PARD3: variants seen among roughly 807,000 people sequenced by gnomAD.
The protein encoded by PARD3 is partitioning defective 3 homolog.
Under a neutral mutation model 155.4 loss-of-function variants are expected in PARD3, and 75 were observed. The ratio of observed to expected loss-of-function variants is 0.48; its 90% confidence interval spans 0.40 to 0.58. The LOEUF is 0.58. PARD3 is among the 20% of genes least tolerant of loss of function. PARD3 has a pLI of 0.00. For missense variants in PARD3, 1,642 were observed against 1,721.7 expected (o/e 0.95, Z 0.82); for synonymous variants, 576 against 610.5 (o/e 0.94, Z 0.83).
At chr10:34,408,283 T>C (rs1020240649) in intron 5 of PARD3, among the ~76,000 whole-genome samples, 1 of 152,096 alleles carries the variant, frequency 6.6e-6, no homozygotes, top group Non-Finnish European at 1.5e-5. Context: ...TTAAAAAAAA[T>C]TATTCATAAC....
chr10:34,758,204 T>C (rs1347933975), intron 1 of PARD3, among the ~76,000 whole-genome samples: 1 of 152,210 alleles, frequency 6.6e-6, no homozygotes, highest in African/African-American at 2.4e-5. Context: ...AAACATTAGC[T>C]GAGTAAAGAA....
At chr10:34,453,199 T>C (rs764588216) in intron 4 of PARD3, among the ~76,000 whole-genome samples, 12 of 152,196 alleles carry the variant, frequency 7.9e-5, no homozygotes, top group Non-Finnish European at 1.6e-4. Context: ...TTGAGACCTG[T>C]ACTTCCAACA....
chr10:34,528,091 T>C (rs2082600293), intron 2 of PARD3, among the ~76,000 whole-genome samples: 1 of 152,162 alleles, frequency 6.6e-6, no homozygotes, highest in African/African-American at 2.4e-5. Flanking sequence ...AGAATAAATA[T>C]TGTGTGCCCA....
At chr10:34,509,835 A>G (rs1475197256) in intron 3 of PARD3, among the ~76,000 whole-genome samples, 1 of 152,200 alleles carries the variant, frequency 6.6e-6, no homozygotes, top group East Asian at 1.9e-4. Context: ...GAATCTTACA[A>G]TTGATGTACA....
chr10:34,400,018 A>C (rs1298586658), intron 6 of PARD3, among the ~76,000 whole-genome samples: 1 of 152,228 alleles, frequency 6.6e-6, no homozygotes, highest in Admixed American at 6.5e-5. Flanking sequence ...TCACTACTTC[A>C]TGACAATTCA....
intron 1 of PARD3, among the ~76,000 whole-genome samples, chr10:34,764,340 C>T (rs1433578847): frequency 6.6e-6 from 1 of 152,156 alleles, no homozygotes; most frequent in Non-Finnish European, 1.5e-5. Flanking sequence ...GGCCCGCCTA[C>T]GTACTTTAGC....
At chr10:34,685,824 C>A (rs975959265) in intron 2 of PARD3, among the ~76,000 whole-genome samples, 3 of 152,128 alleles carry the variant, frequency 2.0e-5, no homozygotes, top group African/African-American at 7.2e-5. Context: ...GACCTCCTGA[C>A]CTCAAATGAT....
chr10:34,166,015 T>C (rs768778855), intron 22 of PARD3, among the ~76,000 whole-genome samples: 8 of 152,262 alleles, frequency 5.3e-5, no homozygotes, highest in Non-Finnish European at 1.0e-4. Flanking sequence ...GCTATCGCTA[T>C]TCTGTTTTTA....
intron 23 of PARD3, among the ~76,000 whole-genome samples, chr10:34,121,247 C>T (rs1023324844): frequency 2.6e-5 from 4 of 152,180 alleles, no homozygotes; most frequent in African/African-American, 9.7e-5. Context: ...CCTTCTAGAT[C>T]TGGCCTTTTG....
At chr10:34,167,763 G>A (rs1274484) in intron 22 of PARD3, among the ~76,000 whole-genome samples, 87,572 of 152,058 alleles carry the variant, frequency 0.58, 25,574 homozygotes, top group African/African-American at 0.66. Flanking sequence ...ACGCTTGAAC[G>A]TGTCTCTGCC....
intron 3 of PARD3, among the ~76,000 whole-genome samples, chr10:34,514,369 C>T (rs540785723): frequency 3.0e-4 from 46 of 152,284 alleles, no homozygotes; most frequent in African/African-American, 5.8e-4. Flanking sequence ...TGATAGCAAG[C>T]GCCAGGCCTT....
intron 2 of PARD3, among the ~76,000 whole-genome samples, chr10:34,576,661 G>A (rs917200550): frequency 2.0e-5 from 3 of 152,204 alleles, no homozygotes; most frequent in African/African-American, 7.2e-5. Context: ...TGAAGGAGAT[G>A]ACTGTGTGAA....
chr10:34,443,322 T>C (rs1489734314), intron 5 of PARD3, among the ~76,000 whole-genome samples: 4 of 152,216 alleles, frequency 2.6e-5, no homozygotes, highest in African/African-American at 9.6e-5. Flanking sequence ...AACAAAAAAT[T>C]AAACTCATAG....
intron 2 of PARD3, among the ~76,000 whole-genome samples, chr10:34,631,206 G>A (rs1276303667): frequency 1.3e-5 from 2 of 152,064 alleles, no homozygotes; most frequent in African/African-American, 2.4e-5. Context: ...ATTACCTTTC[G>A]GGGTGTACCC....
chr10:34,275,127 G>A (rs144462771), intron 21 of PARD3, among the ~76,000 whole-genome samples: 2 of 152,236 alleles, frequency 1.3e-5, no homozygotes, highest in African/African-American at 2.4e-5. Flanking sequence ...ACCAGTCACT[G>A]AGCCTAATAA....
chr10:34,636,779 C>T (rs1487465046), intron 2 of PARD3, among the ~76,000 whole-genome samples: 4 of 152,170 alleles, frequency 2.6e-5, no homozygotes, highest in African/African-American at 7.2e-5. Context: ...AGGAAAGACC[C>T]GATGCCGTGA....
At chr10:34,246,074 C>T (rs1188404862) in intron 22 of PARD3, among the ~76,000 whole-genome samples, 2 of 152,204 alleles carry the variant, frequency 1.3e-5, no homozygotes, top group South Asian at 4.1e-4. Context: ...TCCTATAAGT[C>T]AAATGTGGAC....
chr10:34,205,881 C>A (rs1951452396), intron 22 of PARD3, among the ~76,000 whole-genome samples: 1 of 152,190 alleles, frequency 6.6e-6, no homozygotes, highest in Non-Finnish European at 1.5e-5. Context: ...TCCCCCCATC[C>A]CCTGGGGCTG....
intron 1 of PARD3, among the ~76,000 whole-genome samples, chr10:34,766,461 A>C (rs1312122093): frequency 6.6e-6 from 1 of 152,218 alleles, no homozygotes; most frequent in Non-Finnish European, 1.5e-5. Flanking sequence ...CCTAATCAGG[A>C]AACAATTATC....
Sources: gnomAD v4.1 joint callset for allele counts (sites outside exome capture counted in the v4.1 genomes callset) on GRCh38, gnomAD v4.1.1 for gene constraint, MANE v1.5 for transcripts, NCBI Gene and HGNC (gene_info 2026-07-23, HGNC 2026-07-21) for gene names.